Variants in C19orf47 observed in about 807,000 individuals in gnomAD.
The protein encoded by C19orf47 is chromosome 19 open reading frame 47, also known as uncharacterized protein C19orf47.
C19orf47 carries 18 observed loss-of-function variants against 32.3 expected under a neutral mutation model. The observed-to-expected ratio is 0.56, with a 90% CI of 0.39 to 0.83. C19orf47 has a LOEUF of 0.83. Among genes scored for constraint, C19orf47 ranks in the 40% least tolerant of loss-of-function variants. The pLI, the probability that C19orf47 is intolerant of heterozygous loss-of-function variation, is 0.00. For synonymous variants in C19orf47, 202 were observed against 211.1 expected (o/e 0.96, Z 0.37); for missense variants, 484 against 531.6 (o/e 0.91, Z 0.88).
the C19orf47 span, among the ~76,000 whole-genome samples, chr19:40,303,003 G>T: frequency 6.6e-6 from 1 of 152,190 alleles, no homozygotes; most frequent in East Asian, 1.9e-4. Flanking sequence ...CATTTTGGAA[G>T]GCCGGGGTGG....
intron 4 of C19orf47, 97 bp downstream of exon 4, chr19:40,336,013 C>T (rs1039258122): frequency 6.7e-6 from 7 of 1,050,304 alleles, no homozygotes; most frequent in African/African-American, 1.6e-5. Flanking sequence ...GAACCTGGGT[C>T]GGCCTGCCTC....
intron 4 of C19orf47, 138 bp downstream of exon 4, chr19:40,335,972 C>T (rs2078056438): frequency 1.0e-5 from 7 of 698,270 alleles, no homozygotes; most frequent in South Asian, 7.2e-5. Context: ...ATGTGCCCAG[C>T]GTCACACAGC....
the C19orf47 span, among the ~76,000 whole-genome samples, chr19:40,294,953 CAGTG>C: frequency 6.6e-6 from 1 of 152,234 alleles, no homozygotes; most frequent in African/African-American, 2.4e-5. Flanking sequence ...ATTAGCGGGT[CAGTG>C]AGTGTCATGA....
Position 40,321,178 on chromosome 19 carries a change from G to A in C19orf47, c.*704C>T, listed in dbSNP as rs1012681368. 10 of 945,296 alleles carry A rather than the reference G, an allele frequency of 1.1e-5. No individual in the cohort carries two copies. In the African/African-American group the frequency reaches 1.4e-4, roughly 13 times the overall value. The allele number at this position is 945,296 out of a possible 1,614,324, so 58.6% of individuals were successfully genotyped here. On this transcript the variant is annotated 3_prime_UTR_variant, in exon 9 of 9. Transcript: ENST00000683109. ...ATACACTTTCAGAGACAGATGCCCA[G>A]GGCAGGAAAACGGATGCGCCTCAGC...
At chr19:40,319,487 C>T (rs1330308807), downstream of C19orf47, 1 of 153,332 alleles carries the variant, frequency 6.5e-6, no homozygotes, top group Non-Finnish European at 1.5e-5. Context: ...CCCCAGATTC[C>T]CTCCAATCTC....
chr19:40,313,921 ACT>A, the C19orf47 span, among the ~76,000 whole-genome samples: 13 of 149,598 alleles, frequency 8.7e-5, no homozygotes, highest in African/African-American at 3.2e-4. Context: ...ACAGAGGGAG[ACT>A]CTGTCTCAAA....
chr19:40,346,173 T>G (rs932427396), intron 1 of C19orf47, among the ~76,000 whole-genome samples: 127 of 99,418 alleles, frequency 1.3e-3, no homozygotes, highest in Non-Finnish European at 1.8e-3. Context: ...AAAAAAAAAG[T>G]AAGATTACCA....
intron 2 of C19orf47, among the ~76,000 whole-genome samples, chr19:40,337,922 C>T (rs1022326567): frequency 6.6e-6 from 1 of 152,150 alleles, no homozygotes; most frequent in Non-Finnish European, 1.5e-5. Context: ...GCCATAGGGC[C>T]CTGGGTCCCA....
downstream of C19orf47, among the ~76,000 whole-genome samples, chr19:40,319,047 G>A (rs557082250): frequency 4.6e-5 from 7 of 152,128 alleles, no homozygotes; most frequent in Admixed American, 6.5e-5. Flanking sequence ...TGAGGCGGGC[G>A]GATCACCTAA....
At chr19:40,311,732 T>C in the C19orf47 span, among the ~76,000 whole-genome samples, 1 of 151,850 alleles carries the variant, frequency 6.6e-6, no homozygotes, top group South Asian at 2.1e-4. Context: ...CTCGGCTCAC[T>C]GCAATGTCTG....
At chr19:40,342,454 A>C (rs944772602) in intron 1 of C19orf47, 2 of 153,298 alleles carry the variant, frequency 1.3e-5, no homozygotes, top group Non-Finnish European at 2.9e-5. Context: ...CAAACAAACA[A>C]ACAAACAAAC....
chr19:40,312,077 G>C, the C19orf47 span, among the ~76,000 whole-genome samples: 1 of 152,182 alleles, frequency 6.6e-6, no homozygotes, highest in Non-Finnish European at 1.5e-5. Context: ...ATCCAACACT[G>C]GTGTCTTATT....
chr19:40,324,233 A>G, intron 7 of C19orf47, 157 bp from the exon 8 acceptor site: 1 of 696,940 alleles, frequency 1.4e-6, no homozygotes, highest in Non-Finnish European at 2.5e-6. Flanking sequence ...GTTGGCTCAC[A>G]CTGACCCTAA....
the C19orf47 span, among the ~76,000 whole-genome samples, chr19:40,311,090 A>T: frequency 2.0e-5 from 3 of 151,394 alleles, no homozygotes; most frequent in South Asian, 6.3e-4. Context: ...AACCTGCAAA[A>T]ATTGGGCCGG....
intron 5 of C19orf47, among the ~76,000 whole-genome samples, chr19:40,329,411 C>A (rs1032179246): frequency 6.6e-6 from 1 of 151,990 alleles, no homozygotes; most frequent in Non-Finnish European, 1.5e-5. Flanking sequence ...GAGGCTGAGG[C>A]AAGAGAATCA....
downstream of C19orf47, among the ~76,000 whole-genome samples, chr19:40,315,057 A>G (rs965651343): frequency 2.6e-5 from 4 of 152,152 alleles, no homozygotes; most frequent in Non-Finnish European, 5.9e-5. Flanking sequence ...GCCAAGAGGA[A>G]CCTAAGGAGA....
At chr19:40,303,454 C>T in the C19orf47 span, among the ~76,000 whole-genome samples, 6 of 149,338 alleles carry the variant, frequency 4.0e-5, no homozygotes, top group Non-Finnish European at 7.4e-5. Context: ...ACCCAGGAGG[C>T]GGAGCTTGCA....
chr19:40,326,608 A>G, intron 6 of C19orf47, 122 bp from the exon 7 acceptor site: 8 of 1,218,168 alleles, frequency 6.6e-6, no homozygotes, highest in Non-Finnish European at 9.0e-6. Flanking sequence ...TACCTTCCCA[A>G]CCACCCACAT....
At position 40,339,865 on chromosome 19, in the gene C19orf47, A is replaced by G. The variant is rs561942910; in HGVS notation, c.19+1974T>C. Reference sequence around the variant, plus strand: ...GCATGCCTGTAATCCCAGCTACTCAATCTGGAGGCTGAGGCAGGAGAATTG... The same window carrying G: ...GCATGCCTGTAATCCCAGCTACTCAGTCTGGAGGCTGAGGCAGGAGAATTG... On this transcript the variant is annotated intron_variant, in intron 2 of 8. Transcript: ENST00000683109. Among the ~76,000 whole-genome samples, 6 of 151,374 alleles carry G rather than the reference A, an allele frequency of 4.0e-5. No individual in the cohort carries two copies. In the Admixed American group the frequency reaches 4.0e-4, roughly 10 times the overall value.
Sources: allele counts gnomAD v4.1 joint callset (sites outside exome capture counted in the v4.1 genomes callset), GRCh38; gene constraint gnomAD v4.1.1; transcripts MANE v1.5; gene names NCBI Gene and HGNC (gene_info 2026-07-23, HGNC 2026-07-21).